The following KCNK15 variants were observed in gnomAD, a reference collection of about 807,000 sequenced individuals.
KCNK15 encodes potassium two pore domain channel subfamily K member 15, also known as potassium channel subfamily K member 15.
KCNK15 carries 9 observed loss-of-function variants against 8.5 expected under a neutral mutation model. The ratio of observed to expected loss-of-function variants is 1.06; its 90% CI spans 0.64 to 1.85. The LOEUF (loss-of-function observed/expected upper bound fraction) is 1.85. Among genes scored for constraint, KCNK15 ranks in the 40% most tolerant of loss-of-function variants. The pLI is 0.00. For synonymous variants in KCNK15, 224 were observed against 232.7 expected, an observed-to-expected ratio of 0.96 and a Z score of 0.34; for missense variants, 467 against 476.8, an observed-to-expected ratio of 0.98 and a Z score of 0.19.
chr20:44,749,425 G>GCAC (rs2066019670), intron 1 of KCNK15, among the ~76,000 whole-genome samples: 1 of 152,148 alleles, frequency 6.6e-6, no homozygotes, highest in Non-Finnish European at 1.5e-5. Flanking sequence ...GAACCAAAAG[G>GCAC]TGTTCAGTGC....
rs1379093312 is a variant in KCNK15 at position 44,750,186 on chromosome 20, C to T, written c.341C>T (p.Ala114Val). Residue 114 changes from alanine to valine, a missense_variant, in exon 2 of 2, where the codon GCG becomes GTG. By Grantham distance (64) the Ala-to-Val change is moderately conservative. Around this residue, in one of 2 missense-constraint regions of KCNK15, gnomAD observed 455 missense variants for 441.2 expected, o/e 1.03. Coordinates refer to ENST00000372861, the MANE Select transcript of KCNK15 (RefSeq NM_022358.4). ...GGCAAGGTCTTCTGCATGTTCTACG[C>T]GCTCCTGGGCATCCCGCTGACGCTG... The part of the protein sequence containing the change: ...DSGKVFCMFY[A>V]LLGIPLTLVT... 1 of 1,612,816 alleles carries T rather than the reference C, an allele frequency of 6.2e-7. No individual in the cohort carries two copies. The highest frequency in any genetic ancestry group is 8.5e-7 in the Non-Finnish European group (1 of 1,179,788).
chr20:44,745,946 C>A lies in KCNK15; in HGVS notation c.36C>A (p.Val12=). 3 of 1,424,844 alleles carry A rather than the reference C, an allele frequency of 2.1e-6. No individual in the cohort carries two copies. In the South Asian group the frequency reaches 4.7e-5, roughly 22 times the overall value. 88.3% of individuals were successfully genotyped at this position (1,424,844 alleles called of 1,614,324 possible). The part of the protein sequence containing the change: ...RRPSVRAAGL[V]LCTLCYLLVG... ...CGAGCGTGCGCGCGGCCGGGCTGGT[C>A]CTGTGCACCCTGTGTTACCTGCTGG... The change falls in exon 1 of 2, where the codon GTC becomes GTA. Residue 12 remains valine, a synonymous_variant. Coordinates refer to ENST00000372861, the MANE Select transcript of KCNK15 (RefSeq NM_022358.4).
Position 44,745,916 on chromosome 20 carries a change from G to C in KCNK15, c.6G>C (p.Arg2=), listed in dbSNP as rs2145433690. M[R]RPSVRAAGLV... ...GGTACCGGGGCCGGGGCGCCATGCG[G>C]AGGCCGAGCGTGCGCGCGGCCGGGC... Residue 2 remains arginine (R), a synonymous_variant, in exon 1 of 2, where the codon CGG becomes CGC. Transcript: ENST00000372861. 3 of 1,321,422 alleles carry C rather than the reference G, an allele frequency of 2.3e-6. No homozygotes were observed. The South Asian group carries it at 6.9e-5, about 30-fold the overall frequency. 81.9% of individuals were successfully genotyped at this position (1,321,422 alleles called of 1,614,324 possible). A position where few individuals can be genotyped will look rare whatever the true frequency, so the allele number is the denominator to read the frequency against.
Position 44,750,441 on chromosome 20 carries a change from C to T in KCNK15, c.596C>T (p.Thr199Ile), listed in dbSNP as rs1345289473. 1.2e-6 allele frequency: 2 copies of T among 1,613,934 alleles called. No homozygotes were observed. The highest frequency in any genetic ancestry group is 2.7e-5 in the African/African-American group (2 of 74,926). Residue 199 changes from threonine to isoleucine, a missense_variant, in exon 2 of 2, where the codon ACC (threonine) becomes ATC (isoleucine). This residue lies in a region of KCNK15 where 455 missense variants were observed against 441.2 expected (regional missense o/e 1.03). Transcript: ENST00000372861. ...AYYYCFITLT[T>I]IGFGDFVALQ... ...TACTACTGCTTCATCACCCTCACCA[C>T]CATCGGCTTCGGCGACTTCGTGGCA...
chr20:44,747,551 C>T (rs2066012549), intron 1 of KCNK15, among the ~76,000 whole-genome samples: 1 of 152,270 alleles, frequency 6.6e-6, no homozygotes, highest in Non-Finnish European at 1.5e-5. Context: ...CTTGTTCTCT[C>T]TGCCTTTATC....
chr20:44,748,936 C>T (rs964136472), intron 1 of KCNK15, among the ~76,000 whole-genome samples: 2 of 152,182 alleles, frequency 1.3e-5, no homozygotes, highest in Non-Finnish European at 2.9e-5. Context: ...CAAAACCACC[C>T]TCGATTGAGA....
At position 44,750,323 on chromosome 20, in the gene KCNK15, G is replaced by A; in HGVS notation, c.478G>A (p.Val160Met). 6.2e-7 allele frequency: 1 copy of A among 1,610,252 alleles called. No individual in the cohort carries two copies. The highest frequency in any genetic ancestry group is 8.5e-7 in the Non-Finnish European group (1 of 1,178,874). Residue 160 changes from valine (V) to methionine (M), a missense_variant, in exon 2 of 2, where the codon GTG (valine) becomes ATG (methionine). Physicochemically the swap from Val to Met is conservative, Grantham distance 21. Transcript: ENST00000372861. ...RWTCVSTENL[V>M]VAGLLACAAT... ...GACGTGCGTGTCCACGGAGAACCTG[G>A]TGGTGGCCGGGCTGCTGGCGTGTGC...
intron 1 of KCNK15, among the ~76,000 whole-genome samples, chr20:44,748,961 G>T (rs1387094230): frequency 6.6e-6 from 1 of 152,206 alleles, no homozygotes; most frequent in East Asian, 1.9e-4. Context: ...CTACTCTGTA[G>T]TATCCCATGG....
Position 44,750,653 on chromosome 20 carries a change from G to A in KCNK15, c.808G>A (p.Glu270Lys), listed in dbSNP as rs762919992. ...TPSPRPPGAPESRGLWLPRRP... is the reference protein window; with the variant it reads ...TPSPRPPGAPKSRGLWLPRRP... Reference sequence around the variant, plus strand: ...CAGCCCGCGCCCCCCGGGGGCGCCCGAGAGCCGTGGCCTCTGGCTGCCCCG... The same window carrying A: ...CAGCCCGCGCCCCCCGGGGGCGCCCAAGAGCCGTGGCCTCTGGCTGCCCCG... Residue 270 changes from glutamate to lysine, a missense_variant, in exon 2 of 2, where the codon GAG becomes AAG. Physicochemically the swap from Glu to Lys is moderately conservative, Grantham distance 56. Transcript: ENST00000372861. 2.6e-5 allele frequency: 39 copies of A among 1,513,956 alleles called. No individual in the cohort carries two copies. Among genetic ancestry groups the A allele is most frequent in the African/African-American group, 4.3e-5 (3 of 69,626 alleles). 93.8% of individuals were successfully genotyped at this position (1,513,956 alleles called of 1,614,324 possible). A position where few individuals can be genotyped will look rare whatever the true frequency, so the allele number is the denominator to read the frequency against.
intron 1 of KCNK15, among the ~76,000 whole-genome samples, chr20:44,747,895 A>G (rs963190872): frequency 1.3e-5 from 2 of 151,462 alleles, no homozygotes; most frequent in African/African-American, 2.4e-5. Context: ...GTTCAGGCCC[A>G]TGGAGGGTGC....
At chr20:44,748,152 G>C (rs2066015235) in intron 1 of KCNK15, among the ~76,000 whole-genome samples, 2 of 152,150 alleles carry the variant, frequency 1.3e-5, no homozygotes, top group Non-Finnish European at 2.9e-5. Flanking sequence ...GTCCCAAACA[G>C]CTGGAAGCCT....
chr20:44,751,896 GAAACCCTCCCTCCCT>G lies in KCNK15; in HGVS notation c.*1062_*1076del, dbSNP rs2066034062. ...ACCCCACTCCAACCCAAGGGCCCCAGAAACCCTCCCTCCCTAAAGGCCTGGGCGGCTGCTGCTCCA... is the reference window on the plus strand; with the variant it reads ...ACCCCACTCCAACCCAAGGGCCCCAGAAAGGCCTGGGCGGCTGCTGCTCCA... On this transcript the variant is annotated 3_prime_UTR_variant, in exon 2 of 2. Coordinates refer to ENST00000372861, the MANE Select transcript of KCNK15 (RefSeq NM_022358.4). 6.6e-6 allele frequency: 1 copy of G among 152,222 alleles called. No homozygotes were observed. The highest frequency in any genetic ancestry group is 1.5e-5 in the Non-Finnish European group (1 of 68,084). 9.4% of individuals were successfully genotyped at this position (152,222 alleles called of 1,614,324 possible).
chr20:44,750,223 G>C lies in KCNK15; in HGVS notation c.378G>C (p.Gln126His), dbSNP rs762421828. ...TCCCGCTGACGCTGGTCACTTTCCA[G>C]AGCCTGGGCGAACGGCTGAACGCGG... Reference protein sequence around the residue: ...LGIPLTLVTFQSLGERLNAVV... With the variant: ...LGIPLTLVTFHSLGERLNAVV... The change falls in exon 2 of 2, where the codon CAG becomes CAC. Residue 126 changes from glutamine to histidine, a missense_variant. Around this residue, in one of 2 missense-constraint regions of KCNK15, gnomAD observed 455 missense variants for 441.2 expected, o/e 1.03. Transcript: ENST00000372861. 64 of 1,611,962 alleles carry C rather than the reference G, an allele frequency of 4.0e-5. No individual in the cohort carries two copies. The highest frequency in any genetic ancestry group is 3.3e-4 in the Middle Eastern group (2 of 6,062).
At chr20:44,749,630 G>A (rs1443570300) in intron 1 of KCNK15, among the ~76,000 whole-genome samples, 2 of 152,196 alleles carry the variant, frequency 1.3e-5, no homozygotes, top group Non-Finnish European at 2.9e-5. Context: ...CACCTGCCGC[G>A]TAACTGCAGC....
chr20:44,750,635 CG>C lies in KCNK15; in HGVS notation c.791del (p.Arg264ProfsTer101), dbSNP rs762914977. The C allele has an allele frequency of 1.3e-6, 2 of 1,574,752 alleles. No individual in the cohort carries two copies. The highest frequency in any genetic ancestry group is 1.7e-6 in the Non-Finnish European group (2 of 1,167,174). On this transcript the variant is annotated frameshift_variant, in exon 2 of 2. Coordinates refer to ENST00000372861, the MANE Select transcript of KCNK15 (RefSeq NM_022358.4). LOFTEE classifies it low-confidence loss of function (END_TRUNC). ...PERAARTPSPRPPGAPESRGL... is the reference protein window; with the variant it reads ...PERAARTPSPXPPGAPESRGL... ...GCGCGCTGCCCGCACCCCCAGCCCG[CG>C]CCCCCCGGGGGCGCCCGAGAGCCGT...
Position 44,750,642 on chromosome 20 carries a change from C to G in KCNK15, c.797C>G (p.Pro266Arg). ...RAARTPSPRP[P>R]GAPESRGLWL... ...GCCCGCACCCCCAGCCCGCGCCCCC[C>G]GGGGGCGCCCGAGAGCCGTGGCCTC... is the stretch of plus-strand genomic sequence containing the variant. Residue 266 changes from proline (P) to arginine (R), a missense_variant, in exon 2 of 2, where the codon CCG becomes CGG. This residue lies in a region of KCNK15 where 455 missense variants were observed against 441.2 expected (regional missense o/e 1.03). Coordinates refer to ENST00000372861, the MANE Select transcript of KCNK15 (RefSeq NM_022358.4). 1 of 1,542,732 alleles carries G rather than the reference C, an allele frequency of 6.5e-7. No homozygotes were observed. The highest frequency in any genetic ancestry group is 8.7e-7 in the Non-Finnish European group (1 of 1,152,940).
At position 44,751,773 on chromosome 20, in the gene KCNK15, A is replaced by G. The variant is rs888040271; in HGVS notation, c.*935A>G. 6.6e-6 allele frequency: 1 copy of G among 152,220 alleles called. No homozygotes were observed. The highest frequency in any genetic ancestry group is 1.5e-5 in the Non-Finnish European group (1 of 68,046). The allele number at this position is 152,220 out of a possible 1,614,324, so 9.4% of individuals were successfully genotyped here. ...AGCCACTTCCCCTGGCTTCCCAGATAGGGCTGTCTCAACACAAAGCATGAA... is the reference window on the plus strand; with the variant it reads ...AGCCACTTCCCCTGGCTTCCCAGATGGGGCTGTCTCAACACAAAGCATGAA... On this transcript the variant is annotated 3_prime_UTR_variant, in exon 2 of 2. Coordinates refer to ENST00000372861, the MANE Select transcript of KCNK15 (RefSeq NM_022358.4).
At chr20:44,749,324 C>T (rs953019554) in intron 1 of KCNK15, among the ~76,000 whole-genome samples, 4 of 152,124 alleles carry the variant, frequency 2.6e-5, no homozygotes, top group African/African-American at 4.8e-5. Context: ...TGCAATGGCG[C>T]GGTGTTCCAG....
chr20:44,751,563 T>C lies in KCNK15; in HGVS notation c.*725T>C, dbSNP rs2066032330. On this transcript the variant is annotated 3_prime_UTR_variant, in exon 2 of 2. Coordinates refer to ENST00000372861, the MANE Select transcript of KCNK15 (RefSeq NM_022358.4). ...TCCGGGTCCTGTCAATCACCAGCAATATGACCTTGGAGAATCGCATCCTCT... is the reference window on the plus strand; with the variant it reads ...TCCGGGTCCTGTCAATCACCAGCAACATGACCTTGGAGAATCGCATCCTCT... 1 of 152,232 alleles carries C rather than the reference T, an allele frequency of 6.6e-6. No homozygotes were observed. The highest frequency in any genetic ancestry group is 6.5e-5 in the Admixed American group (1 of 15,282). 9.4% of individuals were successfully genotyped at this position (152,232 alleles called of 1,614,324 possible). A position where few individuals can be genotyped will look rare whatever the true frequency, so the allele number is the denominator to read the frequency against.
Sources: gnomAD v4.1 joint callset for allele counts (sites outside exome capture counted in the v4.1 genomes callset) on GRCh38, gnomAD v4.1.1 for gene constraint, gnomAD v4.1.1 regional missense constraint, MANE v1.5 for transcripts, NCBI Gene and HGNC (gene_info 2026-07-23, HGNC 2026-07-21) for gene names.